The following NALF1 variants were observed in gnomAD, a reference collection of about 807,000 sequenced individuals.
The protein encoded by NALF1 is NALCN channel auxiliary factor 1, also known as family with sequence similarity 155 member A.
A neutral mutation model predicts 48.4 loss-of-function variants in NALF1; 3 were observed. That is an observed-to-expected ratio of 0.06 (90% CI 0.03 to 0.16). The LOEUF (loss-of-function observed/expected upper bound fraction) is 0.16, where lower values mean the gene tolerates loss of function less well. NALF1 is among the 10% of genes least tolerant of loss of function. The probability of loss-of-function intolerance (pLI) is 1.00; values close to 1 mark genes in which losing one functional copy is unlikely to be tolerated. For synonymous variants in NALF1, 262 were observed against 245.7 expected (o/e 1.07, Z -0.62); for missense variants, 526 against 571.5 (o/e 0.92, Z 0.81).
At chr13:107,571,524 C>T (rs1020715540) in intron 1 of NALF1, among the ~76,000 whole-genome samples, 12 of 152,122 alleles carry the variant, frequency 7.9e-5, no homozygotes, top group Non-Finnish European at 1.3e-4. Context: ...CGTGCCCCTG[C>T]CCCATACCTT....
chr13:107,588,519 G>A (rs575851983), intron 1 of NALF1, among the ~76,000 whole-genome samples: 143 of 152,150 alleles, frequency 9.4e-4, no homozygotes, highest in Non-Finnish European at 1.6e-3. Flanking sequence ...ATACGTGAAA[G>A]ACAGAATGAA....
At chr13:107,580,291 C>T (rs1161031633) in intron 1 of NALF1, among the ~76,000 whole-genome samples, 3 of 152,156 alleles carry the variant, frequency 2.0e-5, no homozygotes, top group African/African-American at 7.2e-5. Context: ...ACTCTGGGGC[C>T]TTTCTTTTCA....
At chr13:107,279,831 A>G (rs1270256808) in intron 1 of NALF1, among the ~76,000 whole-genome samples, 2 of 152,120 alleles carry the variant, frequency 1.3e-5, no homozygotes, top group Non-Finnish European at 2.9e-5. Flanking sequence ...GCTAAATAAT[A>G]TCTTGGAATC....
At chr13:107,554,891 G>T (rs189186109) in intron 1 of NALF1, among the ~76,000 whole-genome samples, 1 of 152,066 alleles carries the variant, frequency 6.6e-6, no homozygotes, top group Non-Finnish European at 1.5e-5. Context: ...TCCAGAGTAC[G>T]GAAGGAGGAG....
intron 1 of NALF1, among the ~76,000 whole-genome samples, chr13:107,239,574 TG>T (rs1356092718): frequency 6.6e-6 from 1 of 152,228 alleles, no homozygotes; most frequent in East Asian, 1.9e-4. Flanking sequence ...CCTATCTTTT[TG>T]GGAGAAGACA....
At chr13:107,195,050 C>A (rs1397129805) in intron 2 of NALF1, among the ~76,000 whole-genome samples, 1 of 152,106 alleles carries the variant, frequency 6.6e-6, no homozygotes, top group Non-Finnish European at 1.5e-5. Context: ...TGGCCATATT[C>A]AAAAAGTCAA....
rs201984984 is a variant in NALF1 at position 107,740,556 on chromosome 13, C to T, written c.915+125126G>A. ...AGATTATTCATCACAATCTTTCAGA[C>T]TCACAGGCAAAGGATAATAAAATAA... On this transcript the variant is annotated intron_variant, in intron 1 of 2. Coordinates refer to ENST00000375915, the MANE Select transcript of NALF1 (RefSeq NM_001080396.3). Among the ~76,000 whole-genome samples the T allele has an allele frequency of 2.6e-5, 4 of 152,182 alleles. No individual in the cohort carries two copies. In the East Asian group the frequency reaches 7.7e-4, roughly 29 times the overall value.
At chr13:107,588,823 AG>A (rs1878527905) in intron 1 of NALF1, among the ~76,000 whole-genome samples, 1 of 152,096 alleles carries the variant, frequency 6.6e-6, no homozygotes, top group South Asian at 2.1e-4. Context: ...GGGGGAAAAA[AG>A]AAAGCCGAAT....
At chr13:107,336,258 C>T (rs557814198) in intron 1 of NALF1, among the ~76,000 whole-genome samples, 2 of 152,028 alleles carry the variant, frequency 1.3e-5, no homozygotes, top group East Asian at 3.9e-4. Flanking sequence ...GAGGCTGAGG[C>T]ATGAGAGTCA....
At chr13:107,800,079 T>A (rs1286527928) in intron 1 of NALF1, among the ~76,000 whole-genome samples, 3 of 152,118 alleles carry the variant, frequency 2.0e-5, no homozygotes, top group African/African-American at 7.2e-5. Context: ...TCTTTTGAAA[T>A]CTCCGCACTT....
At chr13:107,804,639 C>T (rs567554966) in intron 1 of NALF1, among the ~76,000 whole-genome samples, 7 of 152,190 alleles carry the variant, frequency 4.6e-5, no homozygotes, top group Non-Finnish European at 1.0e-4. Flanking sequence ...TCTTTTTCCC[C>T]ACAGGAGAAT....
intron 1 of NALF1, among the ~76,000 whole-genome samples, chr13:107,745,136 C>T (rs188447323): frequency 1.3e-5 from 2 of 152,280 alleles, no homozygotes; most frequent in Non-Finnish European, 2.9e-5. Context: ...GGTACATAAA[C>T]AAATTTTTAA....
At chr13:107,200,796 A>G (rs1879496611) in intron 2 of NALF1, among the ~76,000 whole-genome samples, 1 of 152,184 alleles carries the variant, frequency 6.6e-6, no homozygotes, top group African/African-American at 2.4e-5. Context: ...ACCACTTATC[A>G]ATTCAAACAT....
At chr13:107,230,856 T>A (rs1880206187) in intron 1 of NALF1, among the ~76,000 whole-genome samples, 1 of 152,002 alleles carries the variant, frequency 6.6e-6, no homozygotes, top group Non-Finnish European at 1.5e-5. Flanking sequence ...GACCAGGAAT[T>A]CAAGACCAGC....
chr13:107,563,270 C>T (rs1877698116), intron 1 of NALF1, among the ~76,000 whole-genome samples: 1 of 152,222 alleles, frequency 6.6e-6, no homozygotes. Context: ...CAAAGATCAT[C>T]TCTCACAGAC....
chr13:107,671,297 T>C (rs1008464538), intron 1 of NALF1, among the ~76,000 whole-genome samples: 2 of 152,036 alleles, frequency 1.3e-5, no homozygotes, highest in Admixed American at 6.6e-5. Context: ...ATACAGATGA[T>C]AAAAACAGAA....
intron 1 of NALF1, among the ~76,000 whole-genome samples, chr13:107,319,038 T>G (rs1251598444): frequency 6.6e-6 from 1 of 152,070 alleles, no homozygotes; most frequent in East Asian, 1.9e-4. Flanking sequence ...TTCAAGGAGT[T>G]CAGTTTGGTA....
intron 1 of NALF1, among the ~76,000 whole-genome samples, chr13:107,458,149 C>A (rs113399939): frequency 0.021 from 3,165 of 152,208 alleles, 49 homozygotes; most frequent in South Asian, 0.036. Context: ...TGCTGCATGC[C>A]ATATTAGAAA....
chr13:107,221,334 T>A (rs1879988514), intron 1 of NALF1, among the ~76,000 whole-genome samples: 1 of 152,156 alleles, frequency 6.6e-6, no homozygotes, highest in South Asian at 2.1e-4. Flanking sequence ...GCCTAGTACT[T>A]TGGGAGGCCG....
Sources: gnomAD v4.1 joint callset for allele counts (sites outside exome capture counted in the v4.1 genomes callset) on GRCh38, gnomAD v4.1.1 for gene constraint, MANE v1.5 for transcripts, NCBI Gene and HGNC (gene_info 2026-07-23, HGNC 2026-07-21) for gene names.